The following LCT variants were observed in gnomAD, a reference collection of about 807,000 sequenced individuals.
LCT encodes the protein lactase, also known as lactase/phlorizin hydrolase.
LCT carries 90 observed loss-of-function variants against 173.0 expected under a neutral mutation model. The ratio of observed to expected loss-of-function variants is 0.52; its 90% CI spans 0.44 to 0.62. The LOEUF (loss-of-function observed/expected upper bound fraction) is 0.62, where lower values mean the gene tolerates loss of function less well. Among genes scored for constraint, LCT ranks in the 20% least tolerant of loss-of-function variants. LCT has a pLI of 0.00. For synonymous variants in LCT, 853 were observed against 957.6 expected, an observed-to-expected ratio of 0.89 and a Z score of 2.02; for missense variants, 1,864 against 2,431.4, an observed-to-expected ratio of 0.77 and a Z score of 4.91.
Position 135,808,429 on chromosome 2 carries a change from G to A in LCT, c.3904+14C>T. The A allele has an allele frequency of 6.3e-7, 1 of 1,591,880 alleles. No individual in the cohort carries two copies. Among genetic ancestry groups the A allele is most frequent in the Admixed American group, 1.7e-5 (1 of 60,004 alleles). ...TTGGAAGATTTCTTTAAGGGGAACT[G>A]AACCCTCACACACCTTTCAAAGCCT... On this transcript the variant is annotated intron_variant, in intron 8 of 16. Transcript: ENST00000264162.
intron 7 of LCT, among the ~76,000 whole-genome samples, chr2:135,810,552 G>A (rs2077725967): frequency 6.6e-6 from 1 of 152,172 alleles, no homozygotes; most frequent in African/African-American, 2.4e-5. Flanking sequence ...TGTGTCCCAT[G>A]TGTTACCACC....
At chr2:135,821,942 TAAGATTATA>T in intron 5 of LCT, 69 bp downstream of exon 5, 3 of 879,684 alleles carry the variant, frequency 3.4e-6, no homozygotes, top group Non-Finnish European at 5.6e-6. Flanking sequence ...AACAGTCCTA[TAAGATTATA>T]CATGTAAAAG....
At chr2:135,803,615 T>C (rs189328758) in intron 11 of LCT, among the ~76,000 whole-genome samples, 4 of 152,232 alleles carry the variant, frequency 2.6e-5, no homozygotes, top group Non-Finnish European at 5.9e-5. Flanking sequence ...GGAAATAGAC[T>C]GTAGACCTGT....
intron 13 of LCT, among the ~76,000 whole-genome samples, chr2:135,795,353 G>A (rs954237917): frequency 2.0e-5 from 3 of 151,858 alleles, no homozygotes; most frequent in Admixed American, 6.6e-5. Context: ...GACTACAAGC[G>A]CCTGCCACAA....
At chr2:135,828,896 G>C (rs1157584444) in intron 3 of LCT, among the ~76,000 whole-genome samples, 1 of 152,080 alleles carries the variant, frequency 6.6e-6, no homozygotes, top group Non-Finnish European at 1.5e-5. Flanking sequence ...TAGACATAAA[G>C]AAGAAATTTA....
At position 135,817,442 on chromosome 2, in the gene LCT, G is replaced by A. The variant is rs1207088508; in HGVS notation, c.1606C>T (p.Leu536=). Residue 536 remains leucine (L), a synonymous_variant, in exon 6 of 17, where the codon CTG becomes TTG. Coordinates refer to ENST00000264162, the MANE Select transcript of LCT (RefSeq NM_002299.4). The part of the protein sequence containing the change: ...CFSTFGDRVK[L]WVTFHEPWVM... ...CACGGCTCATGGAAGGTCACCCACA[G>A]CTTCACACGGTCCCCAAATGTGGAG... 1 of 1,614,048 alleles carries A rather than the reference G, an allele frequency of 6.2e-7. No individual in the cohort carries two copies. Among genetic ancestry groups the A allele is most frequent in the African/African-American group, 1.3e-5 (1 of 74,922 alleles).
intron 12 of LCT, among the ~76,000 whole-genome samples, chr2:135,800,349 T>C (rs891383523): frequency 9.2e-5 from 14 of 152,136 alleles, no homozygotes; most frequent in Non-Finnish European, 1.9e-4. Flanking sequence ...CACCTTAGCC[T>C]CCTGAGCAGC....
At chr2:135,823,349 T>C (rs1286787391) in intron 4 of LCT, among the ~76,000 whole-genome samples, 1 of 152,204 alleles carries the variant, frequency 6.6e-6, no homozygotes, top group East Asian at 1.9e-4. Context: ...AGCAGCCTCC[T>C]GATCCATGGC....
chr2:135,796,627 C>G lies in LCT; in HGVS notation c.4976+1402G>C, dbSNP rs192033882. Among the ~76,000 whole-genome samples the G allele has an allele frequency of 1.1e-3, 163 of 152,346 alleles. 1 individual carries two copies. Among genetic ancestry groups the G allele is most frequent in the African/African-American group, 2.1e-3 (87 of 41,582 alleles). On this transcript the variant is annotated intron_variant, in intron 13 of 16. Coordinates refer to ENST00000264162, the MANE Select transcript of LCT (RefSeq NM_002299.4). ...GCCTTGTCCATGAAATCTCCTGGGT[C>G]TACCCAGCCTACCCTGATCTCATCT...
Position 135,809,975 on chromosome 2 carries a change from A to G in LCT, c.2372T>C (p.Val791Ala). ...ACGAGCAATGTAGGAACGAACATCC[A>G]CAGAGTCTTCCTTGATAGCTGTGAA... Reference protein sequence around the residue: ...EVLKAIKEDSVDVRSYIARSL... With the variant: ...EVLKAIKEDSADVRSYIARSL... The change falls in exon 8 of 17, where the codon GTG becomes GCG. Residue 791 changes from valine (V) to alanine (A), a missense_variant. Physicochemically the swap from Val to Ala is moderately conservative, Grantham distance 64. This residue lies in a region of LCT where 755 missense variants were observed against 926.3 expected (regional missense o/e 0.82). Transcript: ENST00000264162. This position sits in a 1 kb window ranked among gnomAD's most constrained non-coding sequence, Gnocchi z 5.5. 6.2e-7 allele frequency: 1 copy of G among 1,611,100 alleles called. No individual in the cohort carries two copies. The highest frequency in any genetic ancestry group is 8.5e-7 in the Non-Finnish European group (1 of 1,177,284).
At chr2:135,823,474 G>T (rs1385089598) in intron 4 of LCT, among the ~76,000 whole-genome samples, 1 of 152,174 alleles carries the variant, frequency 6.6e-6, no homozygotes, top group Non-Finnish European at 1.5e-5. Context: ...ACCCACCAGG[G>T]CCATGTGCAA....
intron 5 of LCT, 150 bp downstream of exon 5, chr2:135,821,870 G>T: frequency 3.1e-6 from 2 of 651,540 alleles, no homozygotes; most frequent in Non-Finnish European, 5.5e-6. Flanking sequence ...CTTTCTTTCT[G>T]AGTCTTTGTT....
intron 10 of LCT, among the ~76,000 whole-genome samples, chr2:135,804,479 T>G (rs541538175): frequency 6.6e-6 from 1 of 151,962 alleles, no homozygotes; most frequent in Non-Finnish European, 1.5e-5. Context: ...GCCAGGAGTT[T>G]GAGACCAGCC....
chr2:135,832,117 G>C (rs1290695921), intron 2 of LCT, among the ~76,000 whole-genome samples: 1 of 152,074 alleles, frequency 6.6e-6, no homozygotes, highest in African/African-American at 2.4e-5. Flanking sequence ...TTGGGAGGCT[G>C]AGGCAGGAGA....
At chr2:135,804,434 C>G (rs1286116727) in intron 10 of LCT, among the ~76,000 whole-genome samples, 1 of 152,136 alleles carries the variant, frequency 6.6e-6, no homozygotes, top group Non-Finnish European at 1.5e-5. Flanking sequence ...ATAATCTCAG[C>G]ACTTTGGGAG....
chr2:135,797,103 G>A (rs1229235047), intron 13 of LCT, among the ~76,000 whole-genome samples: 2 of 151,880 alleles, frequency 1.3e-5, no homozygotes, highest in East Asian at 1.9e-4. Context: ...CCCCGCCACC[G>A]CACCCAGCTA....
chr2:135,833,016 A>G, intron 2 of LCT, 95 bp downstream of exon 2: 1 of 922,572 alleles, frequency 1.1e-6, no homozygotes, highest in Admixed American at 1.7e-5. Context: ...ATTTACAGAA[A>G]TGTCAAACCA....
In LCT at chr2:135,790,788, C is replaced by T; in HGVS notation, c.5205G>A (p.Trp1735Ter). 6.2e-7 allele frequency: 1 copy of T among 1,614,006 alleles called. No individual in the cohort carries two copies. The highest frequency in any genetic ancestry group is 8.5e-7 in the Non-Finnish European group (1 of 1,179,930). Residue 1735 changes from tryptophan to a stop codon, truncating the protein, a stop_gained, in exon 15 of 17, where the codon TGG (tryptophan) becomes TGA (stop). Coordinates refer to ENST00000264162, the MANE Select transcript of LCT (RefSeq NM_002299.4). LOFTEE classifies it high-confidence loss of function. The surrounding 1 kb of genome is among the most constrained non-coding windows in gnomAD (Gnocchi z 4.1). ...TPFGFRRILN[W>*]LKEEYNDPPI... ...GAGGGTCATTGTATTCCTCCTTTAA[C>T]CAGTTCAGGATCCTCCTGAAGCCAA... is the stretch of plus-strand genomic sequence containing the variant.
rs537926326 is a variant in LCT, at chr2:135,809,023, G to A, written c.3324C>T (p.Tyr1108=). 10 of 1,611,626 alleles carry A rather than the reference G, an allele frequency of 6.2e-6. No individual in the cohort carries two copies. Among genetic ancestry groups the A allele is most frequent in the Admixed American group, 3.3e-5 (2 of 59,916 alleles). The change falls in exon 8 of 17, where the codon TAC becomes TAT. Residue 1108 remains tyrosine, a synonymous_variant. Coordinates refer to ENST00000264162, the MANE Select transcript of LCT (RefSeq NM_002299.4). The surrounding 1 kb of genome is among the most constrained non-coding windows in gnomAD (Gnocchi z 5.5). ...IKAHARVYHT[Y]DEKYRQEQKG... is the part of the protein sequence containing the mutation. ...TCTGCTCCTGCCTGTATTTCTCATCGTACGTGTGATAGACTCTGGCATGGG... is the reference window on the plus strand; with the variant it reads ...TCTGCTCCTGCCTGTATTTCTCATCATACGTGTGATAGACTCTGGCATGGG...
Sources: gnomAD v4.1 joint callset for allele counts (sites outside exome capture counted in the v4.1 genomes callset) on GRCh38, gnomAD v4.1.1 for gene constraint, gnomAD v4.1.1 regional missense constraint, Gnocchi (gnomAD v3.1) non-coding constraint, MANE v1.5 for transcripts, NCBI Gene and HGNC (gene_info 2026-07-23, HGNC 2026-07-21) for gene names.